Variants in VDR observed in about 807,000 individuals in gnomAD.
The protein encoded by VDR is vitamin D receptor.
VDR carries 19 observed loss-of-function variants against 39.7 expected under a neutral mutation model. That is an observed-to-expected ratio of 0.48 (90% CI 0.33 to 0.70). The LOEUF is 0.70. Ranked by LOEUF, VDR falls within the 30% of genes least tolerant of loss-of-function variation. VDR has a pLI of 0.02. For synonymous variants in VDR, 242 were observed against 215.8 expected, an observed-to-expected ratio of 1.12 and a Z score of -1.07; for missense variants, 442 against 570.5, an observed-to-expected ratio of 0.77 and a Z score of 2.29.
chr12:47,848,555 C>CTTTTTTTT lies in VDR; in HGVS notation c.756-1755_756-1748dup, dbSNP rs1162881183. 1.2e-3 allele frequency among the ~76,000 whole-genome samples: 72 copies of CTTTTTTTT among 58,160 alleles called. 10 individuals are homozygous for CTTTTTTTT. The highest frequency in any genetic ancestry group is 2.1e-3 in the African/African-American group (27 of 12,776). 38.2% of individuals were successfully genotyped at this position (58,160 alleles called of 152,430 possible). A position where few individuals can be genotyped will look rare whatever the true frequency, so the allele number is the denominator to read the frequency against. ...CTCTTTACATGCTTGTTTTCTACTCCTTTTTTTTTTTTTTTTTTTTTTTTT... is the reference window on the plus strand; with the variant it reads ...CTCTTTACATGCTTGTTTTCTACTCCTTTTTTTTTTTTTTTTTTTTTTTTTTTTTTTTT... On this transcript the variant is annotated intron_variant, in intron 7 of 9. Coordinates refer to ENST00000549336, the MANE Select transcript of VDR (RefSeq NM_000376.3).
intron 3 of VDR, among the ~76,000 whole-genome samples, chr12:47,871,292 CTCTTTCTTTCTTTCTTTCTTTCTTTCTT>C (rs60835997): frequency 1.4e-4 from 11 of 79,854 alleles, no homozygotes; most frequent in African/African-American, 3.7e-4. Flanking sequence ...CTTTCTCTTT[CTCTTTCTTTCTTTCTTTCTTTCTTTCTT>C]TCTTTCTTTC....
At chr12:47,861,629 A>G (rs1399714689) in intron 4 of VDR, among the ~76,000 whole-genome samples, 1 of 152,248 alleles carries the variant, frequency 6.6e-6, no homozygotes, top group African/African-American at 2.4e-5. Context: ...GACCTAGAAT[A>G]AGAGTAAACA....
At chr12:47,887,007 T>A (rs1277831342) in intron 1 of VDR, among the ~76,000 whole-genome samples, 1 of 152,076 alleles carries the variant, frequency 6.6e-6, no homozygotes, top group Non-Finnish European at 1.5e-5. Context: ...TGGTACCATA[T>A]GCACATTAGA....
At chr12:47,854,386 C>T (rs959490452) in intron 7 of VDR, among the ~76,000 whole-genome samples, 3 of 152,074 alleles carry the variant, frequency 2.0e-5, no homozygotes, top group Non-Finnish European at 4.4e-5. Flanking sequence ...CTCAGTCTCT[C>T]AAAGTGTTGG....
At chr12:47,899,998 G>C in intron 1 of VDR, 1 of 975,448 alleles carries the variant, frequency 1.0e-6, no homozygotes, top group Non-Finnish European at 1.2e-6. Context: ...TAGGCAAAGT[G>C]AGAATAGCTC....
At chr12:47,900,151 G>C (rs1302162237) in intron 1 of VDR, among the ~76,000 whole-genome samples, 1 of 152,124 alleles carries the variant, frequency 6.6e-6, no homozygotes, top group South Asian at 2.1e-4. Context: ...ACCTCTGTTG[G>C]GTTCTTGTTC....
At chr12:47,888,265 A>G (rs1946298792) in intron 1 of VDR, among the ~76,000 whole-genome samples, 2 of 152,256 alleles carry the variant, frequency 1.3e-5, no homozygotes, top group Admixed American at 1.3e-4. Flanking sequence ...CCCTCCCACA[A>G]CACGTGGGAA....
rs111751411 is a variant in VDR at position 47,888,015 on chromosome 12, C to T, written c.-83-5241G>A. Among the ~76,000 whole-genome samples, 241 of 152,300 alleles carry T rather than the reference C, an allele frequency of 1.6e-3. 2 individuals carry two copies. Among genetic ancestry groups the T allele is most frequent in the African/African-American group, 5.2e-3 (216 of 41,552 alleles). ...TTTTCACGATGCTGATAAAGACATA[C>T]CTGAGACTGGGAAGAGAAAGAGGTT... On this transcript the variant is annotated intron_variant, in intron 1 of 9. Transcript: ENST00000549336.
At chr12:47,896,934 C>T (rs545040781) in intron 1 of VDR, 1 of 152,412 alleles carries the variant, frequency 6.6e-6, no homozygotes, top group African/African-American at 2.4e-5. Flanking sequence ...GGAACTGCCC[C>T]ATTCACCCTC....
chr12:47,855,461 A>G (rs1945464893), intron 7 of VDR, among the ~76,000 whole-genome samples, 169 bp downstream of exon 7: 1 of 152,210 alleles, frequency 6.6e-6, no homozygotes, highest in South Asian at 2.1e-4. Context: ...CGGAGGTTGC[A>G]GTGAGCCGAG....
chr12:47,873,517 T>A (rs561774965), intron 3 of VDR, among the ~76,000 whole-genome samples: 225 of 150,516 alleles, frequency 1.5e-3, no homozygotes, highest in African/African-American at 5.3e-3. Flanking sequence ...GCCCGCCACC[T>A]CGCCCGGCTA....
At chr12:47,857,826 A>AG in intron 4 of VDR, 138 bp from the exon 5 acceptor site, 2 of 867,868 alleles carry the variant, frequency 2.3e-6, no homozygotes, top group Non-Finnish European at 1.8e-6. Flanking sequence ...CCTGCCACGG[A>AG]GACTCCCACT....
In VDR at chr12:47,904,629, A is replaced by G. The variant is rs968728714; in HGVS notation, c.-84+326T>C. 21 of 1,535,690 alleles carry G rather than the reference A, an allele frequency of 1.4e-5. No individual in the cohort carries two copies. The African/African-American group carries it at 2.2e-4, about 16-fold the overall frequency. ...GCTCCTTTTCTTATTCCTCCACTCC[A>G]TGCCAAGGCGCCCCGACAGAAGAAG... On this transcript the variant is annotated intron_variant, in intron 1 of 9. Coordinates refer to ENST00000549336, the MANE Select transcript of VDR (RefSeq NM_000376.3).
At chr12:47,889,319 C>A (rs370384465) in intron 1 of VDR, among the ~76,000 whole-genome samples, 1 of 152,186 alleles carries the variant, frequency 6.6e-6, no homozygotes, top group South Asian at 2.1e-4. Flanking sequence ...TAGGAATGGG[C>A]CATGGAAGCT....
chr12:47,849,235 T>C (rs1056009196), intron 7 of VDR, among the ~76,000 whole-genome samples: 6 of 151,972 alleles, frequency 3.9e-5, no homozygotes, highest in African/African-American at 1.2e-4. Flanking sequence ...CAATGGGTGA[T>C]AGATGGTGGG....
rs544657886 is a variant in VDR at position 47,870,160 on chromosome 12, C to G, written c.147-4983G>C. Among the ~76,000 whole-genome samples the G allele has an allele frequency of 2.0e-5, 3 of 152,334 alleles. No homozygotes were observed. In the South Asian group the frequency reaches 6.2e-4, roughly 32 times the overall value. ...CCCAACATGTCTGTTTGCTGGGCCA[C>G]AGATCCTCTTGGCTCAGAGGTCCTG... On this transcript the variant is annotated intron_variant, in intron 3 of 9. Coordinates refer to ENST00000549336, the MANE Select transcript of VDR (RefSeq NM_000376.3).
At position 47,842,798 on chromosome 12, in the gene VDR, T is replaced by C. The variant is rs1945197641; in HGVS notation, c.*1948A>G. 1 of 152,100 alleles carries C rather than the reference T, an allele frequency of 6.6e-6. No individual in the cohort carries two copies. Among genetic ancestry groups the C allele is most frequent in the Non-Finnish European group, 1.5e-5 (1 of 68,024 alleles). The allele number at this position is 152,100 out of a possible 1,614,324, so 9.4% of individuals were successfully genotyped here. ...GTCCTGGCCCACTTCTAGCTAGTTA[T>C]ATATGCTTGGGTGAGTCACGCCCTC... On this transcript the variant is annotated 3_prime_UTR_variant, in exon 10 of 10. Transcript: ENST00000549336.
At chr12:47,881,628 G>A (rs562997164) in intron 2 of VDR, among the ~76,000 whole-genome samples, 2 of 152,134 alleles carry the variant, frequency 1.3e-5, no homozygotes, top group South Asian at 4.1e-4. Context: ...ATTATTATTA[G>A]CAAAACACTA....
At chr12:47,895,153 A>G (rs1385524610) in intron 1 of VDR, among the ~76,000 whole-genome samples, 1 of 152,248 alleles carries the variant, frequency 6.6e-6, no homozygotes, top group Non-Finnish European at 1.5e-5. Context: ...TTTTCCAGGC[A>G]TTTAAGAATA....
Sources: allele counts gnomAD v4.1 joint callset (sites outside exome capture counted in the v4.1 genomes callset), GRCh38; gene constraint gnomAD v4.1.1; transcripts MANE v1.5; gene names NCBI Gene and HGNC (gene_info 2026-07-23, HGNC 2026-07-21).